NEURL3: variants seen among roughly 807,000 people sequenced by gnomAD.
The protein encoded by NEURL3 is E3 ubiquitin-protein ligase NEURL3.
NEURL3 carries 19 observed loss-of-function variants against 17.6 expected under a neutral mutation model. The ratio of observed to expected loss-of-function variants is 1.08; its 90% CI spans 0.75 to 1.58. The LOEUF (loss-of-function observed/expected upper bound fraction) is 1.58, where lower values mean the gene tolerates loss of function less well. Among genes scored for constraint, NEURL3 ranks in the 40% most tolerant of loss-of-function variants. The probability of loss-of-function intolerance (pLI) is 0.00; values close to 1 mark genes in which losing one functional copy is unlikely to be tolerated. For missense variants in NEURL3, 342 were observed against 379.6 expected, an observed-to-expected ratio of 0.90 and a Z score of 0.82; for synonymous variants, 180 against 161.4, an observed-to-expected ratio of 1.11 and a Z score of -0.87.
At position 96,498,281 on chromosome 2, in the gene NEURL3, T is replaced by C; in HGVS notation, c.752A>G (p.Gln251Arg). 6.3e-7 allele frequency: 1 copy of C among 1,584,022 alleles called. No homozygotes were observed. Among genetic ancestry groups the C allele is most frequent in the East Asian group, 2.3e-5 (1 of 44,258 alleles). Residue 251 changes from glutamine (Q) to arginine (R), a missense_variant, in exon 4 of 4, where the codon CAG becomes CGG. Gln to Arg is a conservative substitution (Grantham distance 43). Transcript: ENST00000451794. This position sits in a 1 kb window ranked among gnomAD's most constrained non-coding sequence, Gnocchi z 4.4. ...RWQIEAVAPA[Q>R]GPPALRVEEG... ...CTCAACCCTCAGAGCAGGAGGGCCCTGCGCAGGGGCTACCGCCTCTATCTG... is the reference window on the plus strand; with the variant it reads ...CTCAACCCTCAGAGCAGGAGGGCCCCGCGCAGGGGCTACCGCCTCTATCTG...
chr2:96,505,847 C>T (rs1053579618), upstream of NEURL3, among the ~76,000 whole-genome samples: 3 of 152,172 alleles, frequency 2.0e-5, no homozygotes, highest in African/African-American at 4.8e-5. Context: ...AATTGTGCAC[C>T]TCCAACAGAA....
rs2065470357 is a variant in NEURL3, at chr2:96,498,890, A to G, written c.587-444T>C. ...CCAGCTGGGCTCAAGCCATCCTTCCACCTCAGCCTCCCGAGTAGCTGGGGC... is the reference window on the plus strand; with the variant it reads ...CCAGCTGGGCTCAAGCCATCCTTCCGCCTCAGCCTCCCGAGTAGCTGGGGC... On this transcript the variant is annotated intron_variant, in intron 3 of 3. Transcript: ENST00000451794. The surrounding 1 kb of genome is among the most constrained non-coding windows in gnomAD (Gnocchi z 4.4). Among the ~76,000 whole-genome samples the G allele has an allele frequency of 6.6e-6, 1 of 151,982 alleles. No homozygotes were observed. Among genetic ancestry groups the G allele is most frequent in the Admixed American group, 6.5e-5 (1 of 15,272 alleles).
At chr2:96,500,100 C>T (rs2065486872) in intron 2 of NEURL3, 1 of 326,152 alleles carries the variant, frequency 3.1e-6, no homozygotes, top group Non-Finnish European at 5.7e-6. Context: ...CCTTTGCTTG[C>T]CACCTTTGTA....
At chr2:96,502,254 C>T (rs558336510) in intron 1 of NEURL3, among the ~76,000 whole-genome samples, 2 of 152,330 alleles carry the variant, frequency 1.3e-5, no homozygotes, top group African/African-American at 2.4e-5. Context: ...GCCCAGCTCC[C>T]TGTGCCTCAA....
rs1405832061 is a variant in NEURL3, at chr2:96,505,343, G to T, written c.-57C>A. 3 of 1,575,870 alleles carry T rather than the reference G, an allele frequency of 1.9e-6. No individual in the cohort carries two copies. The highest frequency in any genetic ancestry group is 1.1e-5 in the South Asian group (1 of 90,476). ...GTCTAGAAGGAACTGCCTGGAGAAG[G>T]CCAGTGGACAGGTTACCAAAGATTC... On this transcript the variant is annotated 5_prime_UTR_variant, in exon 1 of 4. Transcript: ENST00000451794.
chr2:96,499,493 G>A lies in NEURL3; in HGVS notation c.515-44C>T, dbSNP rs777959169. The stretch of plus-strand genomic sequence containing the variant: ...CTCAGGTCCAGGACGGCAAGCCCAG[G>A]TGCCCCCCCATCCCCGCCCCTGGCC... On this transcript the variant is annotated intron_variant, in intron 2 of 3. Coordinates refer to ENST00000451794, the MANE Select transcript of NEURL3 (RefSeq NM_001285485.2). 6 of 1,569,246 alleles carry A rather than the reference G, an allele frequency of 3.8e-6. No homozygotes were observed. The East Asian group carries it at 1.1e-4, about 29-fold the overall frequency.
intron 1 of NEURL3, 136 bp from the exon 2 acceptor site, chr2:96,501,060 T>G: frequency 2.7e-6 from 3 of 1,102,546 alleles, no homozygotes; most frequent in Non-Finnish European, 3.7e-6. Flanking sequence ...TCCACCTCTC[T>G]CGGTTCCTGC....
chr2:96,501,404 A>C (rs2065506471), intron 1 of NEURL3, among the ~76,000 whole-genome samples: 1 of 152,042 alleles, frequency 6.6e-6, no homozygotes, highest in Non-Finnish European at 1.5e-5. Context: ...GGAGACAGAC[A>C]GATTTGCTGA....
rs963910387 is a variant in NEURL3 at position 96,505,158 on chromosome 2, C to T, written c.28+101G>A. The T allele has an allele frequency of 1.1e-5, 16 of 1,439,594 alleles. No homozygotes were observed. In the Admixed American group the frequency reaches 2.3e-4, roughly 21 times the overall value. 89.2% of individuals were successfully genotyped at this position (1,439,594 alleles called of 1,614,324 possible). On this transcript the variant is annotated intron_variant, in intron 1 of 3. Transcript: ENST00000451794. ...GACCCCACCAGCCCCCTAAACTTTA[C>T]ACTGACCACATCTCTACTCCAGCAA... is the stretch of plus-strand genomic sequence containing the variant.
rs1234954407 is a variant in NEURL3 at position 96,500,678 on chromosome 2, C to G, written c.275G>C (p.Ser92Thr). 1.7e-5 allele frequency: 26 copies of G among 1,518,218 alleles called. No individual in the cohort carries two copies. The highest frequency in any genetic ancestry group is 2.1e-5 in the Non-Finnish European group (24 of 1,140,326). The allele number at this position is 1,518,218 out of a possible 1,614,324, so 94.0% of individuals were successfully genotyped here. A position where few individuals can be genotyped will look rare whatever the true frequency, so the allele number is the denominator to read the frequency against. ...RLDPACVSVP[S>T]LPPFLCPDLE... ...GTCGGGGCACAGGAAGGGCGGCAGG[C>G]TGGGCACGGACACGCACGCGGGGTC... The change falls in exon 2 of 4, where the codon AGC (serine) becomes ACC (threonine). Residue 92 changes from serine to threonine, a missense_variant. Coordinates refer to ENST00000451794, the MANE Select transcript of NEURL3 (RefSeq NM_001285485.2).
At position 96,499,385 on chromosome 2, in the gene NEURL3, C is replaced by G. The variant is rs780602929; in HGVS notation, c.579G>C (p.Glu193Asp). Residue 193 changes from glutamate (E) to aspartate (D), a missense_variant, in exon 3 of 4, where the codon GAG becomes GAC. Transcript: ENST00000451794. ...PWDLSNKAVP[E>D]PKATPGEECA... ...TCTTGGGAAGGCACTCACCTTTGGG[C>G]TCAGGCACAGCCTTGTTGCTGAGGT... is the stretch of plus-strand genomic sequence containing the variant. The G allele has an allele frequency of 6.3e-7, 1 of 1,599,506 alleles. No individual in the cohort carries two copies. Among genetic ancestry groups the G allele is most frequent in the Non-Finnish European group, 8.5e-7 (1 of 1,179,776 alleles).
chr2:96,505,211 AC>A, intron 1 of NEURL3, 47 bp downstream of exon 1: 1 of 1,596,168 alleles, frequency 6.3e-7, no homozygotes, highest in South Asian at 1.1e-5. Context: ...TGCTACCTGT[AC>A]CCCCAGTCCA....
At chr2:96,500,335 A>C in intron 2 of NEURL3, 104 bp downstream of exon 2, 1 of 1,498,180 alleles carries the variant, frequency 6.7e-7, no homozygotes, top group East Asian at 2.4e-5. Flanking sequence ...GGCTGATGGA[A>C]TAACTGAATG....
chr2:96,506,363 G>A (rs116592375), upstream of NEURL3, among the ~76,000 whole-genome samples: 3,735 of 152,272 alleles, frequency 0.025, 158 homozygotes, highest in African/African-American at 0.086. Context: ...ATTCCACCAT[G>A]CTCAGCTAAT....
chr2:96,498,177 C>T lies in NEURL3; in HGVS notation c.*67G>A. On this transcript the variant is annotated 3_prime_UTR_variant, in exon 4 of 4. Coordinates refer to ENST00000451794, the MANE Select transcript of NEURL3 (RefSeq NM_001285485.2). The surrounding 1 kb of genome is among the most constrained non-coding windows in gnomAD (Gnocchi z 4.4). Reference sequence around the variant, plus strand: ...CAGAAAGAAGGTAGGGCTGCGCCTCCTTCCTCTCTGCAGGGGCCAGACTCA... The same window carrying T: ...CAGAAAGAAGGTAGGGCTGCGCCTCTTTCCTCTCTGCAGGGGCCAGACTCA... 1 of 1,416,758 alleles carries T rather than the reference C, an allele frequency of 7.1e-7. No homozygotes were observed. The highest frequency in any genetic ancestry group is 9.3e-7 in the Non-Finnish European group (1 of 1,071,968). The allele number at this position is 1,416,758 out of a possible 1,614,324, so 87.8% of individuals were successfully genotyped here. A position where few individuals can be genotyped will look rare whatever the true frequency, so the allele number is the denominator to read the frequency against.
chr2:96,500,907 C>A lies in NEURL3; in HGVS notation c.46G>T (p.Glu16Ter). ...CFEANAKAPR[E>*]ALRFHAEAKG... ...GCCTCGGCATGGAAGCGAAGTGCCT[C>A]TCGGGGCGCCTTGGCGTCTGTGGGT... Residue 16 changes from glutamate (E) to a stop codon, truncating the protein, a stop_gained, in exon 2 of 4, where the codon GAG (glutamate) becomes TAG (stop). Coordinates refer to ENST00000451794, the MANE Select transcript of NEURL3 (RefSeq NM_001285485.2). LOFTEE classifies it high-confidence loss of function. 1 of 1,564,660 alleles carries A rather than the reference C, an allele frequency of 6.4e-7. No homozygotes were observed. Among genetic ancestry groups the A allele is most frequent in the African/African-American group, 1.4e-5 (1 of 72,354 alleles).
chr2:96,506,136 C>G (rs202222581), upstream of NEURL3, among the ~76,000 whole-genome samples: 9 of 152,346 alleles, frequency 5.9e-5, no homozygotes, highest in East Asian at 1.5e-3. Flanking sequence ...GCAACATACT[C>G]TCAAATCTCC....
At chr2:96,505,927 G>A (rs1309015298), upstream of NEURL3, among the ~76,000 whole-genome samples, 1 of 152,216 alleles carries the variant, frequency 6.6e-6, no homozygotes, top group Non-Finnish European at 1.5e-5. Context: ...TGGAATTTCT[G>A]GGAATTCCAC....
At chr2:96,500,374 G>T (rs1389038203) in intron 2 of NEURL3, 65 bp downstream of exon 2, 1 of 1,581,770 alleles carries the variant, frequency 6.3e-7, no homozygotes, top group Middle Eastern at 1.7e-4. Context: ...CTCTGGATCG[G>T]TGTGGGGTGC....
Sources: gnomAD v4.1 joint callset for allele counts (sites outside exome capture counted in the v4.1 genomes callset) on GRCh38, gnomAD v4.1.1 for gene constraint, Gnocchi (gnomAD v3.1) non-coding constraint, MANE v1.5 for transcripts, NCBI Gene and HGNC (gene_info 2026-07-23, HGNC 2026-07-21) for gene names.